IRAG2: variants seen among roughly 807,000 people sequenced by gnomAD.
IRAG2 encodes lymphoid restricted membrane protein.
In IRAG2, 45 loss-of-function variants were observed where a neutral mutation model predicts 69.9. The observed-to-expected ratio is 0.64, with a 90% CI of 0.51 to 0.83. The LOEUF (loss-of-function observed/expected upper bound fraction) is 0.83. IRAG2 is among the 40% of genes least tolerant of loss of function. The probability of loss-of-function intolerance (pLI) is 0.00; values close to 1 mark genes in which losing one functional copy is unlikely to be tolerated. For missense variants in IRAG2, 520 were observed against 587.0 expected (o/e 0.89, Z 1.18); for synonymous variants, 193 against 202.4 (o/e 0.95, Z 0.40).
chr12:25,088,933 TGATAA>T (rs60613338), intron 11 of IRAG2, among the ~76,000 whole-genome samples: 14,906 of 152,204 alleles, frequency 0.098, 1,037 homozygotes, highest in Non-Finnish European at 0.14. Context: ...TTATCTTAGA[TGATAA>T]GATATCTTTA....
Position 25,013,872 on chromosome 12 carries a change from T to TTC in IRAG2, c.897-1309_897-1308insCT, listed in dbSNP as rs1565526090. 7.5e-5 allele frequency among the ~76,000 whole-genome samples: 9 copies of TTC among 120,290 alleles called. 1 individual carries two copies. Among genetic ancestry groups the TTC allele is most frequent in the African/African-American group, 2.2e-4 (7 of 32,210 alleles). 78.9% of individuals were successfully genotyped at this position (120,290 alleles called of 152,430 possible). ...AATTTTTTGTTTTCTTTTTCTTTTT[T>TTC]TTTTTTTTTTTTTTTTTTTTGAGAC... On this transcript the variant is annotated intron_variant, in intron 3 of 38. Transcript: ENST00000636465.
intron 21 of IRAG2, 35 bp downstream of exon 21, chr12:25,107,085 G>A (rs117030294): frequency 4.0e-5 from 49 of 1,236,884 alleles, no homozygotes; most frequent in Middle Eastern, 3.8e-4. Context: ...TACCATTTTA[G>A]TGGAATGGGA....
upstream of IRAG2, chr12:25,004,266 T>C (rs1944414118): frequency 2.0e-6 from 2 of 1,021,404 alleles, no homozygotes; most frequent in South Asian, 5.1e-5. Context: ...GTTAGGAAAA[T>C]ACTGACTTTT....
chr12:25,100,597 G>A (rs548854617), intron 15 of IRAG2, among the ~76,000 whole-genome samples: 1 of 152,264 alleles, frequency 6.6e-6, no homozygotes, highest in South Asian at 2.1e-4. Context: ...TTTGGAGGCT[G>A]GAAGGAGGAA....
chr12:25,032,395 C>T, intron 12 of IRAG2: 1 of 399,026 alleles, frequency 2.5e-6, no homozygotes, highest in Non-Finnish European at 4.4e-6. Flanking sequence ...CCCTTGCCAG[C>T]CTCCTCTCTT....
chr12:25,012,515 T>C (rs77886971), intron 3 of IRAG2, among the ~76,000 whole-genome samples: 3,286 of 152,084 alleles, frequency 0.022, 48 homozygotes, highest in East Asian at 0.088. Context: ...TATCTGCTGA[T>C]GCATGCTAGG....
At chr12:25,092,978 A>C (rs1262679578) in intron 14 of IRAG2, 1 of 153,392 alleles carries the variant, frequency 6.5e-6, no homozygotes, top group Non-Finnish European at 1.5e-5. Flanking sequence ...TTTCTTTTTG[A>C]TATCTGAAAT....
chr12:25,074,291 A>G (rs1224494885), intron 6 of IRAG2, among the ~76,000 whole-genome samples: 1 of 152,196 alleles, frequency 6.6e-6, no homozygotes, highest in African/African-American at 2.4e-5. Flanking sequence ...CTGCCTCTCA[A>G]TGCCTTGTTT....
At chr12:25,095,845 A>G (rs1396282285) in intron 14 of IRAG2, among the ~76,000 whole-genome samples, 2 of 152,168 alleles carry the variant, frequency 1.3e-5, no homozygotes, top group Non-Finnish European at 2.9e-5. Context: ...CTGTTTCTTC[A>G]TGGCTTAATC....
upstream of IRAG2, chr12:25,052,196 G>A (rs555301446): frequency 1.9e-5 from 7 of 371,796 alleles, no homozygotes; most frequent in South Asian, 1.4e-4. Context: ...GACAGCTTGC[G>A]GTTTGGACTT....
intron 8 of IRAG2, among the ~76,000 whole-genome samples, chr12:25,025,939 C>G (rs997142313): frequency 6.6e-6 from 1 of 151,908 alleles, no homozygotes; most frequent in Non-Finnish European, 1.5e-5. Context: ...GCTAGGGGTT[C>G]GAAAATTTTT....
chr12:25,084,788 G>A lies in IRAG2; in HGVS notation c.315+1295G>A, dbSNP rs147756779. Among the ~76,000 whole-genome samples the A allele has an allele frequency of 4.6e-5, 7 of 152,286 alleles. No individual in the cohort carries two copies. The East Asian group carries it at 1.2e-3, about 25-fold the overall frequency. On this transcript the variant is annotated intron_variant, in intron 10 of 21. Coordinates refer to ENST00000556887, the MANE Select transcript of IRAG2 (RefSeq NM_001366544.2). ...TGACATGATGTCATTCGTTTCCTTT[G>A]TTATCCAGAGGCGATTGATTCCAAG... is the stretch of plus-strand genomic sequence containing the variant.
At chr12:25,045,288 A>AGTG in intron 16 of IRAG2, among the ~76,000 whole-genome samples, 1 of 152,212 alleles carries the variant, frequency 6.6e-6, no homozygotes, top group East Asian at 1.9e-4. Flanking sequence ...AAACACTTAT[A>AGTG]CTAAAAAAGA....
intron 1 of IRAG2, chr12:25,005,214 G>A (rs914801895): frequency 9.2e-7 from 1 of 1,083,458 alleles, no homozygotes. Context: ...GAAAGCATCA[G>A]GATTTACAAA....
At position 25,107,831 on chromosome 12, in the gene IRAG2, C is replaced by T. The variant is rs922158054; in HGVS notation, c.1271C>T (p.Ala424Val). The T allele has an allele frequency of 2.5e-6, 4 of 1,613,392 alleles. No individual in the cohort carries two copies. The highest frequency in any genetic ancestry group is 3.4e-6 in the Non-Finnish European group (4 of 1,179,426). ...WDVSSVYDTIASWATNLKSSI... is the reference protein window; with the variant it reads ...WDVSSVYDTIVSWATNLKSSI... ...TTTCCTTATAGTTATGACACAATAG[C>T]TTCCTGGGCAACAAATCTCAAGTCC... is the stretch of plus-strand genomic sequence containing the variant. The change falls in exon 22 of 22, where the codon GCT becomes GTT. Residue 424 changes from alanine (A) to valine (V), a missense_variant. Ala to Val is a moderately conservative substitution (Grantham distance 64). Coordinates refer to ENST00000556887, the MANE Select transcript of IRAG2 (RefSeq NM_001366544.2).
chr12:25,003,234 T>G (rs1238724168), upstream of IRAG2, among the ~76,000 whole-genome samples: 1 of 152,236 alleles, frequency 6.6e-6, no homozygotes, highest in African/African-American at 2.4e-5. Context: ...TCTGTTAATG[T>G]CCTAAAAAAT....
intron 10 of IRAG2, among the ~76,000 whole-genome samples, chr12:25,031,285 T>G (rs1207167449): frequency 2.0e-5 from 3 of 152,216 alleles, no homozygotes; most frequent in Non-Finnish European, 2.9e-5. Context: ...CCTCCCTAAC[T>G]CTGGTCTTCT....
intron 4 of IRAG2, among the ~76,000 whole-genome samples, chr12:25,064,861 G>T (rs1225884913): frequency 6.6e-6 from 1 of 152,142 alleles, no homozygotes; most frequent in Admixed American, 6.5e-5. Flanking sequence ...AGGCCGAGGT[G>T]GGCGGATTGC....
upstream of IRAG2, among the ~76,000 whole-genome samples, chr12:24,999,533 C>T (rs138111869): frequency 4.9e-3 from 746 of 152,220 alleles, 5 homozygotes; most frequent in African/African-American, 0.017. Context: ...TAAGCAGTAT[C>T]GATAATCTCT....
Sources: allele counts gnomAD v4.1 joint callset (sites outside exome capture counted in the v4.1 genomes callset), GRCh38; gene constraint gnomAD v4.1.1; transcripts MANE v1.5; gene names NCBI Gene and HGNC (gene_info 2026-07-23, HGNC 2026-07-21).